The following SYBU variants were observed in gnomAD, a reference collection of about 807,000 sequenced individuals.
SYBU encodes syntabulin.
SYBU carries 21 observed loss-of-function variants against 35.9 expected under a neutral mutation model. That is an observed-to-expected ratio of 0.58 (90% CI 0.41 to 0.84). The LOEUF is 0.84. Ranked by LOEUF, SYBU falls within the 40% of genes least tolerant of loss-of-function variation. The probability of loss-of-function intolerance (pLI) is 0.00; values close to 1 mark genes in which losing one functional copy is unlikely to be tolerated. For missense variants in SYBU, 768 were observed against 848.2 expected, an observed-to-expected ratio of 0.91 and a Z score of 1.17; for synonymous variants, 319 against 324.3, an observed-to-expected ratio of 0.98 and a Z score of 0.18.
chr8:109,623,020 C>T (rs188831599), intron 2 of SYBU, among the ~76,000 whole-genome samples: 50 of 138,474 alleles, frequency 3.6e-4, no homozygotes, highest in Non-Finnish European at 6.1e-4. Flanking sequence ...ATCACAGGAG[C>T]GTGCGCGCGC....
intron 3 of SYBU, among the ~76,000 whole-genome samples, chr8:109,589,450 G>A (rs1225321320): frequency 1.3e-5 from 2 of 152,148 alleles, no homozygotes; most frequent in Non-Finnish European, 2.9e-5. Context: ...TGTTATCCCA[G>A]GACTGAACAG....
chr8:109,616,061 G>T (rs530712645), intron 3 of SYBU, among the ~76,000 whole-genome samples: 3 of 114,446 alleles, frequency 2.6e-5, no homozygotes, highest in Non-Finnish European at 5.0e-5. Context: ...ACCCAGGCTG[G>T]AGTGCAGTGG....
intron 2 of SYBU, among the ~76,000 whole-genome samples, chr8:109,634,520 T>G (rs1310973016): frequency 6.6e-6 from 1 of 152,238 alleles, no homozygotes; most frequent in Non-Finnish European, 1.5e-5. Flanking sequence ...ACTTGTTCTG[T>G]TCTCATAATT....
At chr8:109,642,076 T>C (rs1318531737) in intron 2 of SYBU, among the ~76,000 whole-genome samples, 6 of 152,150 alleles carry the variant, frequency 3.9e-5, no homozygotes, top group Admixed American at 3.9e-4. Context: ...AATGATAGAC[T>C]GGATAAAGAA....
intron 2 of SYBU, among the ~76,000 whole-genome samples, chr8:109,627,498 T>A (rs564239430): frequency 1.5e-3 from 232 of 152,324 alleles, no homozygotes; most frequent in African/African-American, 5.5e-3. Context: ...AACACATTAA[T>A]TATTATCATA....
chr8:109,581,076 T>C (rs949486205), intron 4 of SYBU: 7 of 152,252 alleles, frequency 4.6e-5, no homozygotes, highest in African/African-American at 1.4e-4. Context: ...CACTCCTTAA[T>C]GCTCCCTAAA....
At chr8:109,581,323 G>A (rs1281353284) in intron 4 of SYBU, among the ~76,000 whole-genome samples, 1 of 152,056 alleles carries the variant, frequency 6.6e-6, no homozygotes, top group Admixed American at 6.5e-5. Context: ...TTAACATGGG[G>A]ATCAAAACAC....
chr8:109,672,822 C>T (rs1817034578), intron 1 of SYBU, among the ~76,000 whole-genome samples: 1 of 152,120 alleles, frequency 6.6e-6, no homozygotes, highest in African/African-American at 2.4e-5. Flanking sequence ...TGAAGTCAAC[C>T]TAGGATGCTG....
At chr8:109,657,731 C>T (rs1816408579) in intron 1 of SYBU, among the ~76,000 whole-genome samples, 1 of 152,206 alleles carries the variant, frequency 6.6e-6, no homozygotes, top group Admixed American at 6.5e-5. Context: ...AACCTTTGAG[C>T]AATCCCCTTG....
intron 2 of SYBU, among the ~76,000 whole-genome samples, chr8:109,637,152 G>A (rs948729153): frequency 6.6e-6 from 1 of 152,166 alleles, no homozygotes; most frequent in African/African-American, 2.4e-5. Flanking sequence ...AGATTCCTGA[G>A]CCCTTTCATT....
chr8:109,575,594 A>C lies in SYBU; in HGVS notation c.1304T>G (p.Ile435Arg). 1 of 1,614,060 alleles carries C rather than the reference A, an allele frequency of 6.2e-7. No homozygotes were observed. The highest frequency in any genetic ancestry group is 8.5e-7 in the Non-Finnish European group (1 of 1,180,004). Residue 435 changes from isoleucine to arginine, a missense_variant, in exon 7 of 7, where the codon ATA becomes AGA. Transcript: ENST00000276646. ...ATCGAACAAATCTGTGCTGTTGGCTATGCTATCTCCTACCAGTAGCTCCCT... is the reference window on the plus strand; with the variant it reads ...ATCGAACAAATCTGTGCTGTTGGCTCTGCTATCTCCTACCAGTAGCTCCCT... ...ADRELLVGDS[I>R]ANSTDLFDEI...
chr8:109,678,467 G>T, intron 1 of SYBU, among the ~76,000 whole-genome samples: 1 of 118,862 alleles, frequency 8.4e-6, no homozygotes, highest in Non-Finnish European at 1.6e-5. Context: ...TTGAGACAGA[G>T]TCTTGCTCTG....
At chr8:109,590,300 TTTTG>T (rs1205743128) in intron 3 of SYBU, among the ~76,000 whole-genome samples, 2 of 152,146 alleles carry the variant, frequency 1.3e-5, no homozygotes, top group Non-Finnish European at 2.9e-5. Flanking sequence ...TAAAAAGGGT[TTTTG>T]TTTTAGTTTT....
chr8:109,651,448 CTTTTTTTTTTTTTTTTT>C (rs535652540), intron 1 of SYBU, among the ~76,000 whole-genome samples: 3 of 64,466 alleles, frequency 4.7e-5, no homozygotes, highest in African/African-American at 1.1e-4. Flanking sequence ...GAAATTGAGA[CTTTTTTTTTTTTTTTTT>C]TTTTTTTTTT....
intron 1 of SYBU, among the ~76,000 whole-genome samples, chr8:109,679,529 G>A (rs1316062878): frequency 6.6e-6 from 1 of 152,146 alleles, no homozygotes; most frequent in Non-Finnish European, 1.5e-5. Flanking sequence ...GGAAAACATT[G>A]CTCTTAGTTT....
At chr8:109,636,478 A>G (rs1814244145) in intron 2 of SYBU, among the ~76,000 whole-genome samples, 1 of 152,304 alleles carries the variant, frequency 6.6e-6, no homozygotes, top group African/African-American at 2.4e-5. Flanking sequence ...TGTATCATTC[A>G]TTTTTGTAGC....
intron 3 of SYBU, among the ~76,000 whole-genome samples, chr8:109,606,155 TG>T (rs1826046775): frequency 6.6e-6 from 1 of 152,218 alleles, no homozygotes; most frequent in African/African-American, 2.4e-5. Context: ...CCCATCAAAA[TG>T]TTAAGCACAT....
At chr8:109,674,738 A>T (rs889365875) in intron 1 of SYBU, among the ~76,000 whole-genome samples, 1 of 152,230 alleles carries the variant, frequency 6.6e-6, no homozygotes, top group Non-Finnish European at 1.5e-5. Flanking sequence ...GATCAACAAG[A>T]CACAAAATTA....
At chr8:109,650,748 C>A (rs1466016687) in intron 1 of SYBU, among the ~76,000 whole-genome samples, 1 of 152,078 alleles carries the variant, frequency 6.6e-6, no homozygotes, top group Non-Finnish European at 1.5e-5. Context: ...TTTCATCTGC[C>A]CATGTGTCCT....
Sources: gnomAD v4.1 joint callset for allele counts (sites outside exome capture counted in the v4.1 genomes callset) on GRCh38, gnomAD v4.1.1 for gene constraint, MANE v1.5 for transcripts, NCBI Gene and HGNC (gene_info 2026-07-23, HGNC 2026-07-21) for gene names.